FGF14: variants seen among roughly 807,000 people sequenced by gnomAD.
FGF14 encodes fibroblast growth factor homologous factor 4.
Under a neutral mutation model 25.5 loss-of-function variants are expected in FGF14, and 5 were observed. The ratio of observed to expected loss-of-function variants is 0.20; its 90% CI spans 0.10 to 0.41. The LOEUF is 0.41. Ranked by LOEUF, FGF14 falls within the 10% of genes least tolerant of loss-of-function variation. The probability of loss-of-function intolerance (pLI) is 1.00; values close to 1 mark genes in which losing one functional copy is unlikely to be tolerated. For missense variants in FGF14, 222 were observed against 320.1 expected, an observed-to-expected ratio of 0.69 and a Z score of 2.34; for synonymous variants, 138 against 118.3, an observed-to-expected ratio of 1.17 and a Z score of -1.08.
intron 3 of FGF14, among the ~76,000 whole-genome samples, chr13:101,837,377 C>A (rs974466168): frequency 1.3e-5 from 2 of 152,008 alleles, no homozygotes; most frequent in African/African-American, 4.8e-5. Flanking sequence ...TGTGTGAACT[C>A]TAGGGAATTG....
chr13:101,772,074 T>C (rs1015121583), intron 3 of FGF14, among the ~76,000 whole-genome samples: 4 of 152,086 alleles, frequency 2.6e-5, no homozygotes, highest in African/African-American at 9.7e-5. Flanking sequence ...AATTATTGTG[T>C]TCAGGAGGAC....
chr13:102,203,229 C>G (rs1439383754), intron 1 of FGF14, among the ~76,000 whole-genome samples: 1 of 152,148 alleles, frequency 6.6e-6, no homozygotes, highest in Non-Finnish European at 1.5e-5. Context: ...TTGCATCTCC[C>G]AAGTGCATAT....
intron 3 of FGF14, among the ~76,000 whole-genome samples, chr13:101,759,226 C>T (rs73568269): frequency 0.016 from 2,368 of 152,252 alleles, 80 homozygotes; most frequent in African/African-American, 0.054. Flanking sequence ...AATTAGGGAA[C>T]CGTAGATGAT....
chr13:101,785,564 A>C (rs1194202171), intron 3 of FGF14, among the ~76,000 whole-genome samples: 1 of 152,088 alleles, frequency 6.6e-6, no homozygotes, highest in Non-Finnish European at 1.5e-5. Context: ...TACAAGTTAA[A>C]CTTTAAGTTT....
chr13:102,275,234 TTCTCTCTCTC>T (rs938286146), intron 1 of FGF14, among the ~76,000 whole-genome samples: 1 of 67,446 alleles, frequency 1.5e-5, no homozygotes, highest in East Asian at 3.6e-4. Context: ...TTAGGCAGAT[TTCTCTCTCTC>T]TCTCTCTCTC....
intron 3 of FGF14, among the ~76,000 whole-genome samples, chr13:101,784,122 G>T (rs1375339986): frequency 1.3e-5 from 2 of 151,996 alleles, no homozygotes; most frequent in Non-Finnish European, 2.9e-5. Flanking sequence ...TGATCTCTTT[G>T]TTTCCTGATT....
intron 1 of FGF14, among the ~76,000 whole-genome samples, chr13:101,905,152 T>C (rs1328124773): frequency 2.0e-5 from 3 of 152,198 alleles, no homozygotes; most frequent in South Asian, 2.1e-4. Context: ...GGCTCTTTTC[T>C]GCAGGGTGGC....
At chr13:102,339,566 T>A (rs1440694980) in intron 1 of FGF14, among the ~76,000 whole-genome samples, 1 of 152,294 alleles carries the variant, frequency 6.6e-6, no homozygotes, top group East Asian at 1.9e-4. Context: ...TACAAAGGAT[T>A]TTTTTAAGTG....
In FGF14 at chr13:102,374,644, TTATATATATATATATATATATATATATA is replaced by T. The variant is rs55670716; in HGVS notation, c.208+26799_208+26826del. Among the ~76,000 whole-genome samples the T allele has an allele frequency of 1.6e-3, 81 of 49,350 alleles. 2 individuals are homozygous for T. The highest frequency in any genetic ancestry group is 3.8e-3 in the South Asian group (5 of 1,318). 32.4% of individuals were successfully genotyped at this position (49,350 alleles called of 152,430 possible). On this transcript the variant is annotated intron_variant, in intron 1 of 4. Transcript: ENST00000376131. ...TTTTTTAATACATATCTTACATATTTTATATATATATATATATATATATATATATATATATATATATATATATATATAT... is the reference window on the plus strand; with the variant it reads ...TTTTTTAATACATATCTTACATATTTTATATATATATATATATATATATAT...
At chr13:102,074,999 T>A (rs1481126129) in intron 1 of FGF14, among the ~76,000 whole-genome samples, 1 of 152,218 alleles carries the variant, frequency 6.6e-6, no homozygotes, top group Non-Finnish European at 1.5e-5. Context: ...AAAGCTTTTC[T>A]TCTGAGATCA....
chr13:102,067,954 G>A (rs536172853), intron 1 of FGF14, among the ~76,000 whole-genome samples: 88 of 152,176 alleles, frequency 5.8e-4, no homozygotes, highest in African/African-American at 1.8e-3. Context: ...ACTCCAATAC[G>A]TCTGGCAGCA....
chr13:101,834,288 A>G (rs1044319376), intron 3 of FGF14, among the ~76,000 whole-genome samples: 1 of 152,032 alleles, frequency 6.6e-6, no homozygotes, highest in African/African-American at 2.4e-5. Context: ...GCATCAAAAC[A>G]TTGTTGTAAT....
chr13:102,084,257 T>A (rs1335525568), intron 1 of FGF14, among the ~76,000 whole-genome samples: 1 of 152,230 alleles, frequency 6.6e-6, no homozygotes, highest in Non-Finnish European at 1.5e-5. Context: ...CACTCATGAT[T>A]TTTTAACATA....
At chr13:102,270,077 TA>T (rs2053174890) in intron 1 of FGF14, among the ~76,000 whole-genome samples, 1 of 152,148 alleles carries the variant, frequency 6.6e-6, no homozygotes, top group African/African-American at 2.4e-5. Context: ...AAAATAGAAT[TA>T]ATCTGTTATC....
At chr13:101,883,279 A>G (rs2045812204) in intron 1 of FGF14, among the ~76,000 whole-genome samples, 1 of 152,180 alleles carries the variant, frequency 6.6e-6, no homozygotes, top group South Asian at 2.1e-4. Context: ...TTAGAAAGGC[A>G]GTTCATAACA....
intron 1 of FGF14, among the ~76,000 whole-genome samples, chr13:101,912,537 T>C (rs1037536191): frequency 1.1e-4 from 16 of 152,216 alleles, no homozygotes; most frequent in African/African-American, 2.9e-4. Flanking sequence ...TTTGTTAAGA[T>C]TCCAAATAAT....
chr13:101,990,058 C>G (rs550665003), intron 1 of FGF14, among the ~76,000 whole-genome samples: 10 of 152,080 alleles, frequency 6.6e-5, no homozygotes, highest in Non-Finnish European at 1.2e-4. Context: ...ATCATATGAG[C>G]TGTGGTGCTC....
chr13:102,161,641 A>AT (rs1566765011), intron 1 of FGF14, among the ~76,000 whole-genome samples: 449 of 14,692 alleles, frequency 0.031, 59 homozygotes, highest in African/African-American at 0.11. Context: ...GAAGAAGAAG[A>AT]AGAAGAAGAA....
At chr13:101,780,503 C>G (rs2039424366) in intron 3 of FGF14, among the ~76,000 whole-genome samples, 1 of 152,146 alleles carries the variant, frequency 6.6e-6, no homozygotes. Flanking sequence ...AAAGTCTTTG[C>G]TACTTTTATT....
Sources: gnomAD v4.1 joint callset for allele counts (sites outside exome capture counted in the v4.1 genomes callset) on GRCh38, gnomAD v4.1.1 for gene constraint, MANE v1.5 for transcripts, NCBI Gene and HGNC (gene_info 2026-07-23, HGNC 2026-07-21) for gene names.